STAT3: variants seen among roughly 807,000 people sequenced by gnomAD.
STAT3 encodes the protein signal transducer and activator of transcription 3, also known as DNA-binding protein APRF.
In STAT3, 7 loss-of-function variants were observed where a neutral mutation model predicts 114.3. The observed-to-expected ratio is 0.06, with a 90% CI of 0.03 to 0.11. The LOEUF is 0.11. STAT3 is among the 10% of genes least tolerant of loss of function. The pLI is 1.00. For synonymous variants in STAT3, 331 were observed against 354.5 expected, an observed-to-expected ratio of 0.93 and a Z score of 0.74; for missense variants, 364 against 960.9, an observed-to-expected ratio of 0.38 and a Z score of 8.21.
At chr17:42,348,014 G>A (rs796744600) in intron 2 of STAT3, among the ~76,000 whole-genome samples, 32 of 152,062 alleles carry the variant, frequency 2.1e-4, no homozygotes, top group African/African-American at 7.2e-4. Flanking sequence ...TAACTAAAGG[G>A]GAATTACAAG....
At chr17:42,367,186 A>C (rs1398330301) in intron 1 of STAT3, among the ~76,000 whole-genome samples, 1 of 152,028 alleles carries the variant, frequency 6.6e-6, no homozygotes, top group African/African-American at 2.4e-5. Context: ...AAATAAAAAC[A>C]GAAATTCGCC....
At chr17:42,374,970 A>G (rs1332148054) in intron 1 of STAT3, among the ~76,000 whole-genome samples, 1 of 152,260 alleles carries the variant, frequency 6.6e-6, no homozygotes, top group Non-Finnish European at 1.5e-5. Context: ...TAACTTTATT[A>G]AGACATCTGA....
At chr17:42,323,432 C>T in intron 18 of STAT3, 78 bp from the exon 19 acceptor site, 6 of 1,574,610 alleles carry the variant, frequency 3.8e-6, no homozygotes, top group Non-Finnish European at 5.2e-6. Flanking sequence ...GTGCATCACC[C>T]AAATCCTCAG....
intron 1 of STAT3, among the ~76,000 whole-genome samples, chr17:42,367,314 C>T (rs959221763): frequency 1.3e-5 from 2 of 150,696 alleles, no homozygotes; most frequent in African/African-American, 4.9e-5. Flanking sequence ...ACTTCAGCCT[C>T]GGCAACAGAG....
intron 8 of STAT3, among the ~76,000 whole-genome samples, chr17:42,335,129 CT>C (rs367729820): frequency 0.096 from 13,920 of 144,346 alleles, 2,072 homozygotes; most frequent in African/African-American, 0.32. Context: ...TTCTTTCTTT[CT>C]TTTTTTTTTT....
intron 1 of STAT3, among the ~76,000 whole-genome samples, chr17:42,385,624 C>A (rs2085061080): frequency 1.3e-5 from 2 of 152,100 alleles, no homozygotes; most frequent in Non-Finnish European, 2.9e-5. Flanking sequence ...TCTACCCCAC[C>A]TCATATCTGA....
chr17:42,352,563 A>C (rs1297948776), intron 1 of STAT3, among the ~76,000 whole-genome samples: 3 of 151,978 alleles, frequency 2.0e-5, no homozygotes, highest in Non-Finnish European at 4.4e-5. Context: ...CATTAGGGCC[A>C]AGTTAAAATC....
At chr17:42,359,256 C>T (rs2083391174) in intron 1 of STAT3, among the ~76,000 whole-genome samples, 1 of 152,088 alleles carries the variant, frequency 6.6e-6, no homozygotes, top group Non-Finnish European at 1.5e-5. Flanking sequence ...TATCTTAAAC[C>T]CATTTCCTTA....
At chr17:42,345,699 C>T in intron 3 of STAT3, 42 bp from the exon 4 acceptor site, 2 of 1,530,974 alleles carry the variant, frequency 1.3e-6, no homozygotes, top group Non-Finnish European at 8.9e-7. Context: ...AGCAGCAGAC[C>T]ATGGAGATGT....
intron 1 of STAT3, among the ~76,000 whole-genome samples, chr17:42,369,102 G>A (rs766704512): frequency 3.4e-4 from 51 of 152,194 alleles, no homozygotes; most frequent in Non-Finnish European, 5.7e-4. Context: ...TGGCTCACAC[G>A]TAATCCCGGC....
chr17:42,322,569 C>A, intron 20 of STAT3, 75 bp from the exon 21 acceptor site: 1 of 1,549,302 alleles, frequency 6.5e-7, no homozygotes, highest in African/African-American at 1.4e-5. Flanking sequence ...CCCATTTTTT[C>A]TTTCCTCGAA....
Position 42,334,025 on chromosome 17 carries a change from T to C in STAT3, c.822A>G (p.Gln274=), listed in dbSNP as rs780773507. 2.5e-6 allele frequency: 4 copies of C among 1,614,002 alleles called. No homozygotes were observed. In the East Asian group the frequency reaches 6.7e-5, roughly 27 times the overall value. ...TCTTAATTTGTTGACGGGTCTGAAG[T>C]TGAGATTCTGCTAATGACGTTATCC... The part of the protein sequence containing the change: ...ENWITSLAES[Q]LQTRQQIKKL... Residue 274 remains glutamine, a synonymous_variant, in exon 9 of 24, where the codon CAA becomes CAG. Coordinates refer to ENST00000264657, the MANE Select transcript of STAT3 (RefSeq NM_139276.3).
intron 4 of STAT3, among the ~76,000 whole-genome samples, chr17:42,342,538 G>A (rs1197779965): frequency 1.3e-5 from 2 of 152,026 alleles, no homozygotes; most frequent in African/African-American, 2.4e-5. Flanking sequence ...TAATGGTGAG[G>A]GTGATGATAG....
At chr17:42,382,895 A>G (rs547251726) in intron 1 of STAT3, among the ~76,000 whole-genome samples, 2 of 152,134 alleles carry the variant, frequency 1.3e-5, no homozygotes, top group Non-Finnish European at 2.9e-5. Context: ...ATCCGCCCAC[A>G]GCCTCCCAAA....
Position 42,333,557 on chromosome 17 carries a change from G to A in STAT3, c.1049+116C>T, listed in dbSNP as rs1247446959. 6 of 1,179,708 alleles carry A rather than the reference G, an allele frequency of 5.1e-6. No individual in the cohort carries two copies. Among genetic ancestry groups the A allele is most frequent in the South Asian group, 3.8e-5 (3 of 78,512 alleles). 73.1% of individuals were successfully genotyped at this position (1,179,708 alleles called of 1,614,324 possible). ...GGCAACAAATTTCAACCCCGCAACA[G>A]TGTACTGCCTGTGACACCACACCTG... On this transcript the variant is annotated intron_variant, in intron 10 of 23. Coordinates refer to ENST00000264657, the MANE Select transcript of STAT3 (RefSeq NM_139276.3). This position sits in a 1 kb window ranked among gnomAD's most constrained non-coding sequence, Gnocchi z 5.2.
At chr17:42,363,587 G>GCA (rs1286041546) in intron 1 of STAT3, among the ~76,000 whole-genome samples, 1 of 151,086 alleles carries the variant, frequency 6.6e-6, no homozygotes, top group Non-Finnish European at 1.5e-5. Flanking sequence ...GGGATTACAG[G>GCA]CACATGCCAC....
rs890752007 is a variant in STAT3, at chr17:42,365,853, AC to A, written c.-23-17315del. ...GTATTTTCAGTAGAGACAGGGTTTC[AC>A]CATATTGGCCAGGCTGGTCTCAAAC... On this transcript the variant is annotated intron_variant, in intron 1 of 23. Transcript: ENST00000264657. Among the ~76,000 whole-genome samples the A allele has an allele frequency of 2.0e-3, 304 of 151,988 alleles. 2 individuals carry two copies. Among genetic ancestry groups the A allele is most frequent in the African/African-American group, 6.8e-3 (283 of 41,466 alleles).
At chr17:42,320,294 T>C (rs1166322914) in intron 21 of STAT3, among the ~76,000 whole-genome samples, 1 of 152,178 alleles carries the variant, frequency 6.6e-6, no homozygotes, top group Non-Finnish European at 1.5e-5. Context: ...TTCTGCCCCA[T>C]CTCAAGAAAT....
At chr17:42,379,467 G>GCA (rs1480524359) in intron 1 of STAT3, among the ~76,000 whole-genome samples, 3 of 152,150 alleles carry the variant, frequency 2.0e-5, no homozygotes, top group Non-Finnish European at 4.4e-5. Flanking sequence ...TTGCATGTAC[G>GCA]CACACACACA....
Sources: allele counts gnomAD v4.1 joint callset (sites outside exome capture counted in the v4.1 genomes callset), GRCh38; gene constraint gnomAD v4.1.1; non-coding constraint Gnocchi (gnomAD v3.1); transcripts MANE v1.5; gene names NCBI Gene and HGNC (gene_info 2026-07-23, HGNC 2026-07-21).